TSHZ2: variants seen among roughly 807,000 people sequenced by gnomAD.
TSHZ2 encodes the protein teashirt zinc finger homeobox 2.
In TSHZ2, 21 loss-of-function variants were observed where a neutral mutation model predicts 74.4. That is an observed-to-expected ratio of 0.28 (90% CI 0.20 to 0.41). The LOEUF is 0.41. Ranked by LOEUF, TSHZ2 falls within the 10% of genes least tolerant of loss-of-function variation. TSHZ2 has a pLI of 1.00. For synonymous variants in TSHZ2, 540 were observed against 515.3 expected (o/e 1.05, Z -0.65); for missense variants, 1,244 against 1,293.5 (o/e 0.96, Z 0.59).
At position 53,234,002 on chromosome 20, in the gene TSHZ2, C is replaced by T. The variant is rs528801244; in HGVS notation, c.41-19497C>T. On this transcript the variant is annotated intron_variant, in intron 1 of 2. Coordinates refer to ENST00000371497, the MANE Select transcript of TSHZ2 (RefSeq NM_173485.6). The stretch of plus-strand genomic sequence containing the variant: ...TGTATCACTTATAGCCCAGGCCCTG[C>T]ATGGTTGTGGACACAACCCGGCTGA... Among the ~76,000 whole-genome samples, 14 of 152,314 alleles carry T rather than the reference C, an allele frequency of 9.2e-5. No homozygotes were observed. The East Asian group carries it at 2.3e-3, about 25-fold the overall frequency.
intron 2 of TSHZ2, among the ~76,000 whole-genome samples, chr20:53,301,829 G>A (rs548595554): frequency 1.4e-4 from 22 of 152,240 alleles, no homozygotes; most frequent in African/African-American, 5.1e-4. Flanking sequence ...TCGTGGCAGC[G>A]CCATTTGACG....
At chr20:53,284,715 T>TC (rs60612856) in intron 2 of TSHZ2, among the ~76,000 whole-genome samples, 2,251 of 116,696 alleles carry the variant, frequency 0.019, 72 homozygotes, top group African/African-American at 0.068. Context: ...TACACGCCCG[T>TC]CCCCCCCACC....
chr20:53,356,043 T>G (rs771818437), intron 2 of TSHZ2, among the ~76,000 whole-genome samples: 13 of 152,190 alleles, frequency 8.5e-5, no homozygotes, highest in Non-Finnish European at 1.6e-4. Context: ...GAGAGGCAGA[T>G]AGCAGCAAAT....
chr20:53,235,407 T>A (rs1600758627), intron 1 of TSHZ2, among the ~76,000 whole-genome samples: 1 of 152,212 alleles, frequency 6.6e-6, no homozygotes, highest in South Asian at 2.1e-4. Flanking sequence ...TGACCTCATG[T>A]GATCCACCCA....
chr20:53,345,229 A>C (rs1980390056), intron 2 of TSHZ2, among the ~76,000 whole-genome samples: 1 of 152,190 alleles, frequency 6.6e-6, no homozygotes, highest in African/African-American at 2.4e-5. Flanking sequence ...GCTGGTTGGC[A>C]AGTGTCCTCA....
chr20:53,288,506 G>T (rs937474390), intron 2 of TSHZ2, among the ~76,000 whole-genome samples: 2 of 151,888 alleles, frequency 1.3e-5, no homozygotes, highest in Non-Finnish European at 2.9e-5. Flanking sequence ...TCACATCTGT[G>T]TTTTTTTGCC....
intron 1 of TSHZ2, among the ~76,000 whole-genome samples, chr20:53,145,068 T>C (rs1987507485): frequency 6.6e-6 from 1 of 152,066 alleles, no homozygotes; most frequent in Non-Finnish European, 1.5e-5. Context: ...CAACTAAAAT[T>C]GGAGTGAAAA....
rs567126190 is a variant in TSHZ2 at position 52,994,392 on chromosome 20, G to A, written c.40+21059G>A. ...TGGATGGATGAATGGATGGATAAAC[G>A]GATGGATGGATGGATGGATGAGTAG... On this transcript the variant is annotated intron_variant, in intron 1 of 2. Transcript: ENST00000371497. Among the ~76,000 whole-genome samples, 330 of 151,788 alleles carry A rather than the reference G, an allele frequency of 2.2e-3. 2 individuals carry two copies. Among genetic ancestry groups the A allele is most frequent in the Admixed American group, 4.2e-3 (64 of 15,250 alleles).
chr20:53,469,380 C>T (rs1019425520), intron 2 of TSHZ2, among the ~76,000 whole-genome samples: 48 of 151,626 alleles, frequency 3.2e-4, no homozygotes, highest in Middle Eastern at 3.2e-3. Context: ...CCCATCTCTA[C>T]TAAAAATACA....
chr20:53,004,318 A>G (rs2252115), intron 1 of TSHZ2, among the ~76,000 whole-genome samples: 65,177 of 151,992 alleles, frequency 0.43, 14,346 homozygotes, highest in Non-Finnish European at 0.47. Context: ...GTGTTGGATG[A>G]TTTTGCAGAG....
At chr20:53,385,959 G>A (rs1435006088) in intron 2 of TSHZ2, among the ~76,000 whole-genome samples, 1 of 152,178 alleles carries the variant, frequency 6.6e-6, no homozygotes, top group East Asian at 1.9e-4. Context: ...TGCCACACCG[G>A]ACGAGGGTGT....
chr20:53,148,868 G>T (rs551087946), intron 1 of TSHZ2, among the ~76,000 whole-genome samples: 1 of 152,114 alleles, frequency 6.6e-6, no homozygotes, highest in African/African-American at 2.4e-5. Flanking sequence ...AACAAAGCTC[G>T]GGTTGACTCA....
Position 53,055,308 on chromosome 20 carries a change from A to C in TSHZ2, c.40+81975A>C, listed in dbSNP as rs1226714977. 2.0e-5 allele frequency among the ~76,000 whole-genome samples: 3 copies of C among 152,324 alleles called. No homozygotes were observed. The East Asian group carries it at 5.8e-4, about 29-fold the overall frequency. On this transcript the variant is annotated intron_variant, in intron 1 of 2. Coordinates refer to ENST00000371497, the MANE Select transcript of TSHZ2 (RefSeq NM_173485.6). ...TTTCCCTCAAGCTTAGCTCTTGATTAAATGAGTCCAAAGTAGTCCACATCC... is the reference window on the plus strand; with the variant it reads ...TTTCCCTCAAGCTTAGCTCTTGATTCAATGAGTCCAAAGTAGTCCACATCC...
chr20:53,137,766 A>G (rs1372455026), intron 1 of TSHZ2, among the ~76,000 whole-genome samples: 1 of 152,180 alleles, frequency 6.6e-6, no homozygotes, highest in Non-Finnish European at 1.5e-5. Context: ...TGTAAAGCAC[A>G]GCTCTGACCT....
chr20:53,083,355 G>T lies in TSHZ2; in HGVS notation c.40+110022G>T, dbSNP rs115784393. Among the ~76,000 whole-genome samples the T allele has an allele frequency of 8.8e-3, 1,334 of 152,300 alleles. 17 individuals carry two copies. The highest frequency in any genetic ancestry group is 0.03 in the African/African-American group (1,256 of 41,554). ...TAAATAAGACATTGCTTGTAGGCCTGACTTGAGGCTTGTAAATAGCTTTCC... is the reference window on the plus strand; with the variant it reads ...TAAATAAGACATTGCTTGTAGGCCTTACTTGAGGCTTGTAAATAGCTTTCC... On this transcript the variant is annotated intron_variant, in intron 1 of 2. Coordinates refer to ENST00000371497, the MANE Select transcript of TSHZ2 (RefSeq NM_173485.6).
intron 1 of TSHZ2, among the ~76,000 whole-genome samples, chr20:53,140,539 CAAAAAAA>C (rs34045440): frequency 6.6e-4 from 53 of 79,788 alleles, no homozygotes; most frequent in African/African-American, 1.5e-3. Context: ...GACTCCGTCT[CAAAAAAA>C]AAAAAAAAAA....
At chr20:53,224,982 G>A (rs1466233625) in intron 1 of TSHZ2, among the ~76,000 whole-genome samples, 2 of 151,994 alleles carry the variant, frequency 1.3e-5, no homozygotes, top group Non-Finnish European at 2.9e-5. Context: ...AACTTTTTCT[G>A]TAAAAGGCCC....
In TSHZ2 at chr20:53,303,910, T is replaced by C. The variant is rs564756415; in HGVS notation, c.*8+47339T>C. ...TTTTTGTTTCTTCAGAATTCTTTTT[T>C]CTCACCTTACCTTTGTAGCAATTCT... On this transcript the variant is annotated intron_variant, in intron 2 of 2. Coordinates refer to ENST00000371497, the MANE Select transcript of TSHZ2 (RefSeq NM_173485.6). 1.1e-3 allele frequency among the ~76,000 whole-genome samples: 173 copies of C among 152,282 alleles called. 4 individuals are homozygous for C. The highest frequency in any genetic ancestry group is 4.0e-3 in the African/African-American group (168 of 41,548).
At chr20:53,237,130 T>A (rs1989959786) in intron 1 of TSHZ2, among the ~76,000 whole-genome samples, 1 of 152,128 alleles carries the variant, frequency 6.6e-6, no homozygotes, top group African/African-American at 2.4e-5. Context: ...ACAACTCACA[T>A]GAGATCCTTA....
Sources: allele counts gnomAD v4.1 joint callset (sites outside exome capture counted in the v4.1 genomes callset), GRCh38; gene constraint gnomAD v4.1.1; transcripts MANE v1.5; gene names NCBI Gene and HGNC (gene_info 2026-07-23, HGNC 2026-07-21).